SPIN1: variants seen among roughly 807,000 people sequenced by gnomAD.
The protein encoded by SPIN1 is spindlin-1.
In SPIN1, 3 loss-of-function variants were observed where a neutral mutation model predicts 26.0. That is an observed-to-expected ratio of 0.12 (90% CI 0.05 to 0.30). SPIN1 has a LOEUF of 0.30. SPIN1 is among the 10% of genes least tolerant of loss of function. The pLI, the probability that SPIN1 is intolerant of heterozygous loss-of-function variation, is 1.00. For missense variants in SPIN1, 126 were observed against 333.4 expected, an observed-to-expected ratio of 0.38 and a Z score of 4.84; for synonymous variants, 101 against 116.5, an observed-to-expected ratio of 0.87 and a Z score of 0.86.
Position 88,426,554 on chromosome 9 carries a change from C to A in SPIN1, c.15C>A (p.Phe5Leu). 1 of 1,613,644 alleles carries A rather than the reference C, an allele frequency of 6.2e-7. No homozygotes were observed. The highest frequency in any genetic ancestry group is 1.1e-5 in the South Asian group (1 of 91,024). Residue 5 changes from phenylalanine (F) to leucine (L), a missense_variant, in exon 2 of 6, where the codon TTC (phenylalanine) becomes TTA (leucine). Transcript: ENST00000375859. MKTP[F>L]GKTPGQRSRA... ...AATACAGATGAATGAAGACCCCATT[C>A]GGAAAGACACCTGGCCAGCGGTCCA...
chr9:88,431,793 T>C (rs192450508), intron 2 of SPIN1, among the ~76,000 whole-genome samples: 1 of 152,312 alleles, frequency 6.6e-6, no homozygotes, highest in Non-Finnish European at 1.5e-5. Context: ...TCATAAACTA[T>C]AATCCCAGCG....
At chr9:88,411,103 G>A in intron 1 of SPIN1, 1 of 1,524,586 alleles carries the variant, frequency 6.6e-7, no homozygotes. Context: ...AATCTCTTAG[G>A]TGATGTTCTT....
chr9:88,404,959 T>A (rs1044013712), intron 1 of SPIN1, among the ~76,000 whole-genome samples: 3 of 150,400 alleles, frequency 2.0e-5, no homozygotes, highest in Non-Finnish European at 3.0e-5. Flanking sequence ...ATACTCAGGA[T>A]CATCTGTATC....
At chr9:88,408,153 T>A (rs1448495628) in intron 1 of SPIN1, among the ~76,000 whole-genome samples, 1 of 151,910 alleles carries the variant, frequency 6.6e-6, no homozygotes, top group East Asian at 1.9e-4. Context: ...TGGTTATATA[T>A]TTCTTTATTC....
chr9:88,416,188 A>G (rs1328822609), intron 1 of SPIN1, among the ~76,000 whole-genome samples: 1 of 152,260 alleles, frequency 6.6e-6, no homozygotes, highest in East Asian at 1.9e-4. Flanking sequence ...TTTCTAACAT[A>G]GAAAAGTTGA....
rs991594148 is a variant in SPIN1 at position 88,477,296 on chromosome 9, C to T, written c.*2019C>T. 3.3e-5 allele frequency: 5 copies of T among 152,144 alleles called. No homozygotes were observed. The highest frequency in any genetic ancestry group is 7.2e-5 in the African/African-American group (3 of 41,434). 9.4% of individuals were successfully genotyped at this position (152,144 alleles called of 1,614,324 possible). A position where few individuals can be genotyped will look rare whatever the true frequency, so the allele number is the denominator to read the frequency against. ...TGCACCAACTGTGCAGAACTTGGCT[C>T]GGTAACTTTGCGTGGAAAAATAAAG... On this transcript the variant is annotated 3_prime_UTR_variant, in exon 6 of 6. Coordinates refer to ENST00000375859, the MANE Select transcript of SPIN1 (RefSeq NM_006717.3).
chr9:88,389,091 G>A (rs1826858650), intron 1 of SPIN1, among the ~76,000 whole-genome samples: 1 of 152,096 alleles, frequency 6.6e-6, no homozygotes, highest in South Asian at 2.1e-4. Flanking sequence ...CCCCTCCCAG[G>A]CCCGGGGGAT....
At chr9:88,464,582 C>T (rs1001426385) in intron 4 of SPIN1, among the ~76,000 whole-genome samples, 13 of 152,268 alleles carry the variant, frequency 8.5e-5, no homozygotes, top group South Asian at 2.1e-4. Flanking sequence ...CTGTAATTCG[C>T]GCTTTTCACT....
chr9:88,464,304 A>G (rs572587562), intron 4 of SPIN1, among the ~76,000 whole-genome samples: 14 of 152,376 alleles, frequency 9.2e-5, no homozygotes, highest in African/African-American at 3.1e-4. Context: ...CCAAAACAGC[A>G]GTTACTTTGG....
At chr9:88,457,605 T>G (rs1828495696) in intron 3 of SPIN1, among the ~76,000 whole-genome samples, 1 of 152,202 alleles carries the variant, frequency 6.6e-6, no homozygotes, top group Admixed American at 6.5e-5. Context: ...GATTGGCTTC[T>G]ATTGTCTGTA....
At position 88,399,234 on chromosome 9, in the gene SPIN1, A is replaced by G. The variant is rs138800681; in HGVS notation, c.-159+10696A>G. ...TTTTTAGTGGAGACGGGGTTTCACC[A>G]TGTTGGCCAGGCTGGTCTTGAACTC... On this transcript the variant is annotated intron_variant, in intron 1 of 5. Coordinates refer to ENST00000375859, the MANE Select transcript of SPIN1 (RefSeq NM_006717.3). Among the ~76,000 whole-genome samples, 73 of 151,924 alleles carry G rather than the reference A, an allele frequency of 4.8e-4. 1 individual carries two copies. The East Asian group carries it at 0.011, about 23-fold the overall frequency.
chr9:88,470,601 CT>C (rs59676605), intron 5 of SPIN1, among the ~76,000 whole-genome samples: 41,766 of 142,988 alleles, frequency 0.29, 10,551 homozygotes, highest in African/African-American at 0.72. Context: ...GGCCCCCCCC[CT>C]TTTTTTTTTT....
chr9:88,442,750 T>G (rs1828162945), intron 2 of SPIN1, among the ~76,000 whole-genome samples: 1 of 152,192 alleles, frequency 6.6e-6, no homozygotes, highest in African/African-American at 2.4e-5. Flanking sequence ...GGTGTAGTTT[T>G]TTTCTGGCAT....
intron 1 of SPIN1, among the ~76,000 whole-genome samples, chr9:88,414,030 C>CAA (rs10635542): frequency 0.032 from 4,541 of 141,802 alleles, 204 homozygotes; most frequent in African/African-American, 0.1. Context: ...TTTATTATAG[C>CAA]AAAAAAAAAA....
rs1354754882 is a variant in SPIN1 at position 88,462,612 on chromosome 9, A to G, written c.218A>G (p.Lys73Arg). The G allele has an allele frequency of 1.2e-6, 2 of 1,614,016 alleles. No homozygotes were observed. The highest frequency in any genetic ancestry group is 1.3e-5 in the African/African-American group (1 of 74,920). The change falls in exon 4 of 6, where the codon AAA becomes AGA. Residue 73 changes from lysine to arginine, a missense_variant. By Grantham distance (26) the Lys-to-Arg change is conservative. Transcript: ENST00000375859. ...KEGNGPVTQW[K>R]GTVLDQVPVN... ...GGGAATGGCCCTGTTACCCAGTGGA[A>G]AGGAACCGTTCTGGACCAGGTGCCT...
At chr9:88,433,995 T>C (rs935533069) in intron 2 of SPIN1, among the ~76,000 whole-genome samples, 3 of 152,128 alleles carry the variant, frequency 2.0e-5, no homozygotes, top group African/African-American at 7.2e-5. Context: ...AAAGTCTCAG[T>C]TTCCAAGAAC....
intron 1 of SPIN1, among the ~76,000 whole-genome samples, chr9:88,390,256 A>G (rs141756460): frequency 6.6e-6 from 1 of 152,304 alleles, no homozygotes; most frequent in Non-Finnish European, 1.5e-5. Flanking sequence ...TATGTTGGTC[A>G]TTGGTGTCCT....
chr9:88,413,521 C>T (rs911140334), intron 1 of SPIN1, among the ~76,000 whole-genome samples: 2 of 151,686 alleles, frequency 1.3e-5, no homozygotes, highest in East Asian at 3.9e-4. Context: ...GTAGCTGGGA[C>T]TACAGGTGCG....
At chr9:88,432,512 T>G (rs929721673) in intron 2 of SPIN1, among the ~76,000 whole-genome samples, 1 of 148,224 alleles carries the variant, frequency 6.7e-6, no homozygotes, top group African/African-American at 2.5e-5. Context: ...TGAGACAGAG[T>G]CTTGCTCTGT....
Sources: allele counts gnomAD v4.1 joint callset (sites outside exome capture counted in the v4.1 genomes callset), GRCh38; gene constraint gnomAD v4.1.1; transcripts MANE v1.5; gene names NCBI Gene and HGNC (gene_info 2026-07-23, HGNC 2026-07-21).